Variants in TBR1 observed in about 807,000 individuals in gnomAD.
TBR1 encodes T-box brain protein 1.
TBR1 carries 7 observed loss-of-function variants against 60.3 expected under a neutral mutation model. That is an observed-to-expected ratio of 0.12 (90% CI 0.07 to 0.22). TBR1 has a LOEUF of 0.22. Ranked by LOEUF, TBR1 falls within the 10% of genes least tolerant of loss-of-function variation. The probability of loss-of-function intolerance (pLI) is 1.00; values close to 1 mark genes in which losing one functional copy is unlikely to be tolerated. For missense variants in TBR1, 616 were observed against 936.8 expected (o/e 0.66, Z 4.47); for synonymous variants, 417 against 409.9 (o/e 1.02, Z -0.21).
chr2:161,420,471 G>A (rs1684214908), intron 5 of TBR1: 1 of 283,312 alleles, frequency 3.5e-6, no homozygotes, highest in Non-Finnish European at 6.0e-6. Flanking sequence ...TGGTGACCTT[G>A]TGGCTTGGTA....
chr2:161,417,123 GCCGCTGCTCTAGGCGCAGC>G lies in TBR1; in HGVS notation c.692+23_692+41del, dbSNP rs1454560858. 1.9e-6 allele frequency: 3 copies of G among 1,557,954 alleles called. No homozygotes were observed. The highest frequency in any genetic ancestry group is 2.6e-6 in the Non-Finnish European group (3 of 1,151,494). On this transcript the variant is annotated intron_variant, in intron 1 of 5. Transcript: ENST00000389554. The surrounding 1 kb of genome is among the most constrained non-coding windows in gnomAD (Gnocchi z 5.3). The stretch of plus-strand genomic sequence containing the variant: ...GGAAGGTAATACTACATTTTTGGCT[GCCGCTGCTCTAGGCGCAGC>G]CGGGGACAAGTGCACCTAGGCTGTG...
At position 161,423,649 on chromosome 2, in the gene TBR1, A is replaced by G; in HGVS notation, c.1471A>G (p.Asn491Asp). 1 of 1,542,590 alleles carries G rather than the reference A, an allele frequency of 6.5e-7. No individual in the cohort carries two copies. The highest frequency in any genetic ancestry group is 1.2e-5 in the South Asian group (1 of 83,522). The change falls in exon 6 of 6, where the codon AAC (asparagine) becomes GAC (aspartate). Residue 491 changes from asparagine (N) to aspartate (D), a missense_variant. Coordinates refer to ENST00000389554, the MANE Select transcript of TBR1 (RefSeq NM_006593.4). ...ACGCTGGTTTGTGACGCCGGCCAAC[A>G]ACCGGCTGGACTTCGCGGCCTCGGC... The part of the protein sequence containing the change: ...PQRWFVTPAN[N>D]RLDFAASAYD...
rs894103386 is a variant in TBR1 at position 161,417,233 on chromosome 2, T to C, written c.692+131T>C. On this transcript the variant is annotated intron_variant, in intron 1 of 5. Coordinates refer to ENST00000389554, the MANE Select transcript of TBR1 (RefSeq NM_006593.4). This position sits in a 1 kb window ranked among gnomAD's most constrained non-coding sequence, Gnocchi z 5.3. ...GAAGGCGCCCTAGAGTTGGCTAGTT[T>C]TGGAAAGGGGGAAAGTGGAAGGGAT... is the stretch of plus-strand genomic sequence containing the variant. The C allele has an allele frequency of 1.1e-6, 1 of 946,616 alleles. No individual in the cohort carries two copies. Among genetic ancestry groups the C allele is most frequent in the Non-Finnish European group, 1.6e-6 (1 of 644,962 alleles). The allele number at this position is 946,616 out of a possible 1,614,324, so 58.6% of individuals were successfully genotyped here.
chr2:161,417,395 G>A lies in TBR1; in HGVS notation c.693-281G>A. On this transcript the variant is annotated intron_variant, in intron 1 of 5. Transcript: ENST00000389554. This position sits in a 1 kb window ranked among gnomAD's most constrained non-coding sequence, Gnocchi z 5.3. ...GCGATGGGAGGGACGCATCAACACTGGCATGCACGGACAGGTGGAGACGCA... is the reference window on the plus strand; with the variant it reads ...GCGATGGGAGGGACGCATCAACACTAGCATGCACGGACAGGTGGAGACGCA... 1.8e-6 allele frequency: 1 copy of A among 565,376 alleles called. No individual in the cohort carries two copies. Among genetic ancestry groups the A allele is most frequent in the South Asian group, 2.2e-5 (1 of 45,302 alleles). The allele number at this position is 565,376 out of a possible 1,614,324, so 35.0% of individuals were successfully genotyped here.
In TBR1 at chr2:161,417,143, C is replaced by G; in HGVS notation, c.692+41C>G. ...TGGCTGCCGCTGCTCTAGGCGCAGCCGGGGACAAGTGCACCTAGGCTGTGA... is the reference window on the plus strand; with the variant it reads ...TGGCTGCCGCTGCTCTAGGCGCAGCGGGGGACAAGTGCACCTAGGCTGTGA... On this transcript the variant is annotated intron_variant, in intron 1 of 5. Transcript: ENST00000389554. The surrounding 1 kb of genome is among the most constrained non-coding windows in gnomAD (Gnocchi z 5.3). The G allele has an allele frequency of 1.3e-6, 2 of 1,533,394 alleles. No individual in the cohort carries two copies. The highest frequency in any genetic ancestry group is 2.0e-5 in the Admixed American group (1 of 50,226). The allele number at this position is 1,533,394 out of a possible 1,614,324, so 95.0% of individuals were successfully genotyped here. A position where few individuals can be genotyped will look rare whatever the true frequency, so the allele number is the denominator to read the frequency against.
intron 4 of TBR1, 81 bp downstream of exon 4, chr2:161,419,131 G>T (rs910923832): frequency 2.5e-5 from 40 of 1,600,926 alleles, no homozygotes; most frequent in East Asian, 6.8e-5. Context: ...GCCATGCAAG[G>T]CTAGGGTACT....
Position 161,424,476 on chromosome 2 carries a change from T to C in TBR1, c.*249T>C, listed in dbSNP as rs991667797. On this transcript the variant is annotated 3_prime_UTR_variant, in exon 6 of 6. Coordinates refer to ENST00000389554, the MANE Select transcript of TBR1 (RefSeq NM_006593.4). This position sits in a 1 kb window ranked among gnomAD's most constrained non-coding sequence, Gnocchi z 4.4. The stretch of plus-strand genomic sequence containing the variant: ...AACCTTTTGGTTTTCCTACTTACTC[T>C]TCTTCTGTGGAGTTATCCTCCTACA... 8.9e-5 allele frequency: 43 copies of C among 481,234 alleles called. No homozygotes were observed. The highest frequency in any genetic ancestry group is 4.4e-5 in the Non-Finnish European group (12 of 270,548). The allele number at this position is 481,234 out of a possible 1,614,324, so 29.8% of individuals were successfully genotyped here.
At chr2:161,419,241 GA>G (rs1370510313) in intron 4 of TBR1, 191 bp downstream of exon 4, 12 of 764,540 alleles carry the variant, frequency 1.6e-5, no homozygotes, top group Admixed American at 1.1e-4. Flanking sequence ...AAGCCGGTGG[GA>G]AAAAGCTTTC....
rs1684275180 is a variant in TBR1, at chr2:161,423,791, A to G, written c.1613A>G (p.Tyr538Cys). ...GGCTGCACTGGCCGCCCGCTCGGCT[A>G]CTACGCCGACCCGTCGGGCTGGGGC... ...AAGCTGRPLGYYADPSGWGAR... is the reference protein window; with the variant it reads ...AAGCTGRPLGCYADPSGWGAR... Residue 538 changes from tyrosine (Y) to cysteine (C), a missense_variant, in exon 6 of 6, where the codon TAC (tyrosine) becomes TGC (cysteine). Physicochemically the swap from Tyr to Cys is radical, Grantham distance 194. Coordinates refer to ENST00000389554, the MANE Select transcript of TBR1 (RefSeq NM_006593.4). 1 of 1,476,526 alleles carries G rather than the reference A, an allele frequency of 6.8e-7. No homozygotes were observed. Among genetic ancestry groups the G allele is most frequent in the Non-Finnish European group, 8.9e-7 (1 of 1,119,786 alleles). 91.5% of individuals were successfully genotyped at this position (1,476,526 alleles called of 1,614,324 possible).
Position 161,424,541 on chromosome 2 carries a change from C to T in TBR1, c.*314C>T, listed in dbSNP as rs1046924327. 1.3e-5 allele frequency: 4 copies of T among 300,186 alleles called. No individual in the cohort carries two copies. Among genetic ancestry groups the T allele is most frequent in the Non-Finnish European group, 2.5e-5 (4 of 160,112 alleles). The allele number at this position is 300,186 out of a possible 1,614,324, so 18.6% of individuals were successfully genotyped here. A position where few individuals can be genotyped will look rare whatever the true frequency, so the allele number is the denominator to read the frequency against. On this transcript the variant is annotated 3_prime_UTR_variant, in exon 6 of 6. Transcript: ENST00000389554. This position sits in a 1 kb window ranked among gnomAD's most constrained non-coding sequence, Gnocchi z 4.4. ...CGTCTTTCTCTTACCTCCTACTTCTCTTTCTTGTAATGAAACTCTTCACCT... is the reference window on the plus strand; with the variant it reads ...CGTCTTTCTCTTACCTCCTACTTCTTTTTCTTGTAATGAAACTCTTCACCT...
At chr2:161,422,739 C>A (rs1684253088) in intron 5 of TBR1, 1 of 152,190 alleles carries the variant, frequency 6.6e-6, no homozygotes, top group Non-Finnish European at 1.5e-5. Flanking sequence ...ACACTAAGTA[C>A]TTTGGAGGCT....
chr2:161,417,929 C>T lies in TBR1; in HGVS notation c.847+99C>T, dbSNP rs1290848357. The T allele has an allele frequency of 2.7e-6, 4 of 1,490,486 alleles. No individual in the cohort carries two copies. The South Asian group carries it at 4.1e-5, about 15-fold the overall frequency. The allele number at this position is 1,490,486 out of a possible 1,614,324, so 92.3% of individuals were successfully genotyped here. On this transcript the variant is annotated intron_variant, in intron 2 of 5. Coordinates refer to ENST00000389554, the MANE Select transcript of TBR1 (RefSeq NM_006593.4). The surrounding 1 kb of genome is among the most constrained non-coding windows in gnomAD (Gnocchi z 5.3). ...TGGCTCGAGCGACTTTTAAAACGAT[C>T]GGCCAATGACTTCTAAAAGGAAACG...
chr2:161,418,147 G>C, intron 2 of TBR1, 54 bp from the exon 3 acceptor site: 1 of 1,569,116 alleles, frequency 6.4e-7, no homozygotes, highest in South Asian at 1.2e-5. Flanking sequence ...GTGGTGAGGA[G>C]CTGGGACTGG....
At position 161,424,505 on chromosome 2, in the gene TBR1, C is replaced by G. The variant is rs974093101; in HGVS notation, c.*278C>G. The G allele has an allele frequency of 2.6e-6, 1 of 382,030 alleles. No individual in the cohort carries two copies. 23.7% of individuals were successfully genotyped at this position (382,030 alleles called of 1,614,324 possible). A position where few individuals can be genotyped will look rare whatever the true frequency, so the allele number is the denominator to read the frequency against. On this transcript the variant is annotated 3_prime_UTR_variant, in exon 6 of 6. Transcript: ENST00000389554. The surrounding 1 kb of genome is among the most constrained non-coding windows in gnomAD (Gnocchi z 4.4). ...TCTGTGGAGTTATCCTCCTACAATT[C>G]CCCTCCCCCTCGTCTTTCTCTTACC... is the stretch of plus-strand genomic sequence containing the variant.
Position 161,419,067 on chromosome 2 carries a change from G to A in TBR1, c.1128+17G>A, listed in dbSNP as rs779849777. 5 of 1,613,600 alleles carry A rather than the reference G, an allele frequency of 3.1e-6. No individual in the cohort carries two copies. The highest frequency in any genetic ancestry group is 1.3e-5 in the African/African-American group (1 of 74,852). The stretch of plus-strand genomic sequence containing the variant: ...AACACGGATGTAAGGAGACCTAGGG[G>A]CTGGGGGCGAGGCGGGCGGCACAGA... On this transcript the variant is annotated intron_variant, in intron 4 of 5. Transcript: ENST00000389554.
chr2:161,416,360 T>C lies in TBR1; in HGVS notation c.-51T>C, dbSNP rs369677822. On this transcript the variant is annotated 5_prime_UTR_variant, in exon 1 of 6. Transcript: ENST00000389554. The surrounding 1 kb of genome is among the most constrained non-coding windows in gnomAD (Gnocchi z 6.1). ...CTGTGGATTTCTAGTTTATGATAAA[T>C]AGGACTTTAAAAACCAGGGACGGGA... is the stretch of plus-strand genomic sequence containing the variant. 9.2e-6 allele frequency: 13 copies of C among 1,417,818 alleles called. No homozygotes were observed. The highest frequency in any genetic ancestry group is 5.8e-5 in the African/African-American group (4 of 69,500). The allele number at this position is 1,417,818 out of a possible 1,614,324, so 87.8% of individuals were successfully genotyped here.
chr2:161,423,728 C>A lies in TBR1; in HGVS notation c.1550C>A (p.Ala517Glu). 1 of 1,520,290 alleles carries A rather than the reference C, an allele frequency of 6.6e-7. No homozygotes were observed. Among genetic ancestry groups the A allele is most frequent in the African/African-American group, 1.4e-5 (1 of 70,032 alleles). 94.2% of individuals were successfully genotyped at this position (1,520,290 alleles called of 1,614,324 possible). A position where few individuals can be genotyped will look rare whatever the true frequency, so the allele number is the denominator to read the frequency against. ...AGNAATLLSY[A>E]AAGVKALPLQ... ...AACGCGGCCACGCTGCTCTCTTACG[C>A]GGCGGCGGGCGTGAAGGCGCTGCCG... Residue 517 changes from alanine to glutamate, a missense_variant, in exon 6 of 6, where the codon GCG becomes GAG. Around this residue, in one of 8 missense-constraint regions of TBR1, gnomAD observed 210 missense variants for 297.4 expected, o/e 0.71. Coordinates refer to ENST00000389554, the MANE Select transcript of TBR1 (RefSeq NM_006593.4).
Position 161,424,123 on chromosome 2 carries a change from G to A in TBR1, c.1945G>A (p.Glu649Lys). Residue 649 changes from glutamate (E) to lysine (K), a missense_variant, in exon 6 of 6, where the codon GAG becomes AAG. By Grantham distance (56) the Glu-to-Lys change is moderately conservative (BLOSUM62 1). Around this residue, in one of 8 missense-constraint regions of TBR1, gnomAD observed 210 missense variants for 297.4 expected, o/e 0.71. Transcript: ENST00000389554. This position sits in a 1 kb window ranked among gnomAD's most constrained non-coding sequence, Gnocchi z 4.4. ...CTCGCCGGCCGACACGCCCGTGTCC[G>A]AGAGTTCGTCCCCGCTCAAGAGCGA... ...RISPADTPVSESSSPLKSEVL... is the reference protein window; with the variant it reads ...RISPADTPVSKSSSPLKSEVL... The A allele has an allele frequency of 6.2e-7, 1 of 1,612,748 alleles. No homozygotes were observed. Among genetic ancestry groups the A allele is most frequent in the Non-Finnish European group, 8.5e-7 (1 of 1,179,638 alleles).
Position 161,420,185 on chromosome 2 carries a change from TTC to T in TBR1, c.1129-9_1129-8del. The T allele has an allele frequency of 1.2e-6, 2 of 1,612,094 alleles. No individual in the cohort carries two copies. The highest frequency in any genetic ancestry group is 1.1e-5 in the South Asian group (1 of 90,742). On this transcript the variant is annotated splice_polypyrimidine_tract_variant and intron_variant, in intron 4 of 5. Coordinates refer to ENST00000389554, the MANE Select transcript of TBR1 (RefSeq NM_006593.4). ...AAAGGTGAGATAACATTCATTTTTT[TTC>T]TTTGCCAGATTACACAACTGAAAAT...
Sources: gnomAD v4.1 joint callset for allele counts on GRCh38, gnomAD v4.1.1 for gene constraint, gnomAD v4.1.1 regional missense constraint, Gnocchi (gnomAD v3.1) non-coding constraint, MANE v1.5 for transcripts, NCBI Gene and HGNC (gene_info 2026-07-23, HGNC 2026-07-21) for gene names.